Variants in ZNF483 observed in about 807,000 individuals in gnomAD.
ZNF483 encodes the protein zinc finger protein HIT-10.
Under a neutral mutation model 28.6 loss-of-function variants are expected in ZNF483, and 9 were observed. The ratio of observed to expected loss-of-function variants is 0.32; its 90% CI spans 0.19 to 0.55. ZNF483 has a LOEUF of 0.55. Among genes scored for constraint, ZNF483 ranks in the 20% least tolerant of loss-of-function variants. ZNF483 has a pLI of 0.93. For missense variants in ZNF483, 675 were observed against 871.7 expected (o/e 0.77, Z 2.84); for synonymous variants, 322 against 306.2 (o/e 1.05, Z -0.54).
At chr9:111,526,433 A>G (rs935647103) in intron 1 of ZNF483, among the ~76,000 whole-genome samples, 9 of 152,042 alleles carry the variant, frequency 5.9e-5, no homozygotes, top group Non-Finnish European at 4.4e-5. Flanking sequence ...GGGGAGTGAT[A>G]AGATCATATT....
At chr9:111,534,427 G>A (rs1827429063) in intron 5 of ZNF483, 74 bp downstream of exon 5, 2 of 1,262,316 alleles carry the variant, frequency 1.6e-6, no homozygotes, top group South Asian at 1.2e-5. Flanking sequence ...TCTTTGAAAT[G>A]TTGGGCTGCC....
chr9:111,561,635 T>G (rs1828325179), intron 5 of ZNF483, among the ~76,000 whole-genome samples: 1 of 152,200 alleles, frequency 6.6e-6, no homozygotes, highest in Admixed American at 6.5e-5. Context: ...TTCCTGTGTG[T>G]TATCTTTTGT....
chr9:111,554,181 GAACT>G lies in ZNF483; in HGVS notation c.*11017_*11020del, dbSNP rs1483439801. On this transcript the variant is annotated 3_prime_UTR_variant, in exon 6 of 6. Transcript: ENST00000309235. ...ACAAACTACTACTATTATGTTATTG[GAACT>G]AACTACTTAGCAAATGGAATTGATA... 2.0e-5 allele frequency among the ~76,000 whole-genome samples: 3 copies of G among 152,142 alleles called. No homozygotes were observed. Among genetic ancestry groups the G allele is most frequent in the East Asian group, 1.9e-4 (1 of 5,194 alleles).
At chr9:111,576,387 G>C in exon 6 of ZNF483, 1 of 1,614,126 alleles carries the variant, frequency 6.2e-7, no homozygotes, top group East Asian at 2.2e-5. Flanking sequence ...CAGTAAAAAA[G>C]ATGCAGATGT....
chr9:111,570,497 G>A (rs373854141), intron 5 of ZNF483, among the ~76,000 whole-genome samples: 9 of 152,162 alleles, frequency 5.9e-5, no homozygotes, highest in East Asian at 1.9e-4. Context: ...TGGGGGTGGC[G>A]CGGTGGCTCA....
At chr9:111,567,523 G>T (rs566401895) in intron 5 of ZNF483, among the ~76,000 whole-genome samples, 1 of 152,226 alleles carries the variant, frequency 6.6e-6, no homozygotes, top group African/African-American at 2.4e-5. Context: ...GGACGTGAGA[G>T]AATTCAGCAA....
In ZNF483 at chr9:111,549,802, G is replaced by A; in HGVS notation, c.*6632G>A. The A allele has an allele frequency of 6.6e-7, 1 of 1,510,124 alleles. No individual in the cohort carries two copies. The highest frequency in any genetic ancestry group is 1.2e-5 in the South Asian group (1 of 83,228). 93.5% of individuals were successfully genotyped at this position (1,510,124 alleles called of 1,614,324 possible). ...TCTTCTTCATTTTCTCTTTTGATCT[G>A]TCAACACAATCAGAACATTTAGCTC... On this transcript the variant is annotated 3_prime_UTR_variant, in exon 6 of 6. Coordinates refer to ENST00000309235, the MANE Select transcript of ZNF483 (RefSeq NM_133464.5).
In ZNF483 at chr9:111,545,993, A is replaced by G. The variant is rs1204253961; in HGVS notation, c.*2823A>G. On this transcript the variant is annotated 3_prime_UTR_variant, in exon 6 of 6. Coordinates refer to ENST00000309235, the MANE Select transcript of ZNF483 (RefSeq NM_133464.5). The stretch of plus-strand genomic sequence containing the variant: ...AGGAAACTGCCAAATTGTTTTCCAA[A>G]GTGACCGCATTATTTTACATTCTGA... Among the ~76,000 whole-genome samples the G allele has an allele frequency of 1.3e-5, 2 of 152,206 alleles. No homozygotes were observed. The highest frequency in any genetic ancestry group is 4.8e-5 in the African/African-American group (2 of 41,458).
chr9:111,563,452 T>C, intron 5 of ZNF483: 1 of 425,084 alleles, frequency 2.4e-6, no homozygotes. Context: ...AAATAATAGG[T>C]GTCGGATCAT....
At chr9:111,534,192 A>T in intron 4 of ZNF483, 69 bp from the exon 5 acceptor site, 1 of 1,269,456 alleles carries the variant, frequency 7.9e-7, no homozygotes, top group East Asian at 2.3e-5. Flanking sequence ...ACCAGAGGCT[A>T]TATGTGAATG....
chr9:111,543,244 C>T lies in ZNF483; in HGVS notation c.*74C>T, dbSNP rs1200206025. On this transcript the variant is annotated 3_prime_UTR_variant, in exon 6 of 6. Transcript: ENST00000309235. ...ACTGAAACCCTGGGATGTAAACTTA[C>T]AGTATTGATCAGTAGCTGCAGCTTT... The T allele has an allele frequency of 4.7e-6, 7 of 1,502,216 alleles. No homozygotes were observed. The highest frequency in any genetic ancestry group is 5.3e-6 in the Non-Finnish European group (6 of 1,131,940). The allele number at this position is 1,502,216 out of a possible 1,614,324, so 93.1% of individuals were successfully genotyped here. A position where few individuals can be genotyped will look rare whatever the true frequency, so the allele number is the denominator to read the frequency against.
At position 111,534,298 on chromosome 9, in the gene ZNF483, A is replaced by G. The variant is rs182744229; in HGVS notation, c.666A>G (p.Leu222=). 313 of 1,614,164 alleles carry G rather than the reference A, an allele frequency of 1.9e-4. 5 individuals carry two copies. In the Admixed American group the frequency reaches 5.1e-3, roughly 26 times the overall value. The change falls in exon 5 of 6, where the codon CTA becomes CTG. Residue 222 remains leucine (L), a synonymous_variant. Coordinates refer to ENST00000309235, the MANE Select transcript of ZNF483 (RefSeq NM_133464.5). ...CAAAATTAGAGTTGATTTCCCAGCT[A>G]AAGTGGGTTGAATTGCCATGGCTGC... The part of the protein sequence containing the change: ...PVSKLELISQ[L]KWVELPWLLE...
Position 111,543,402 on chromosome 9 carries a change from C to T in ZNF483, c.*232C>T, listed in dbSNP as rs1284165024. 7 of 1,271,408 alleles carry T rather than the reference C, an allele frequency of 5.5e-6. No individual in the cohort carries two copies. Among genetic ancestry groups the T allele is most frequent in the African/African-American group, 1.5e-5 (1 of 65,690 alleles). 78.8% of individuals were successfully genotyped at this position (1,271,408 alleles called of 1,614,324 possible). ...GGAAGAATGCAAAATGATTCTGAGG[C>T]CAGACGAATTGGAAAAGCTCTTTTC... On this transcript the variant is annotated 3_prime_UTR_variant, in exon 6 of 6. Coordinates refer to ENST00000309235, the MANE Select transcript of ZNF483 (RefSeq NM_133464.5).
intron 2 of ZNF483, among the ~76,000 whole-genome samples, chr9:111,529,056 A>G (rs775893346): frequency 6.6e-6 from 1 of 152,012 alleles, no homozygotes; most frequent in Non-Finnish European, 1.5e-5. Flanking sequence ...AGGCAGGAGA[A>G]TCGCTTGAAC....
chr9:111,535,914 T>G, intron 5 of ZNF483, among the ~76,000 whole-genome samples: 1 of 146,496 alleles, frequency 6.8e-6, no homozygotes, highest in Non-Finnish European at 1.5e-5. Context: ...TTTTTTTTTT[T>G]GAGACAGAGT....
Position 111,527,448 on chromosome 9 carries a change from A to G in ZNF483, c.53A>G (p.Gln18Arg), listed in dbSNP as rs765205755. ...ATGACAGCCATCTCACCAGAACCTC[A>G]AACTCTGGCCTCGACTGAACAAAAT... ...NKMTAISPEP[Q>R]TLASTEQNEV... The change falls in exon 2 of 6, where the codon CAA becomes CGA. Residue 18 changes from glutamine to arginine, a missense_variant. Coordinates refer to ENST00000309235, the MANE Select transcript of ZNF483 (RefSeq NM_133464.5). 4 of 1,614,020 alleles carry G rather than the reference A, an allele frequency of 2.5e-6. No individual in the cohort carries two copies. The African/African-American group carries it at 5.3e-5, about 22-fold the overall frequency.
intron 5 of ZNF483, among the ~76,000 whole-genome samples, chr9:111,539,045 G>A (rs778192886): frequency 4.0e-5 from 6 of 150,654 alleles, no homozygotes; most frequent in Middle Eastern, 3.4e-3. Flanking sequence ...CCCGGGAGGC[G>A]GAGCTTGCAG....
intron 5 of ZNF483, among the ~76,000 whole-genome samples, chr9:111,565,972 G>T (rs1828543523): frequency 6.6e-6 from 1 of 152,160 alleles, no homozygotes; most frequent in Non-Finnish European, 1.5e-5. Flanking sequence ...AGCACTTTGT[G>T]AGGCTGAGGC....
At chr9:111,562,949 T>A in intron 5 of ZNF483, 1 of 1,389,796 alleles carries the variant, frequency 7.2e-7, no homozygotes, top group South Asian at 1.8e-5. Context: ...CTTTGAAACT[T>A]CCATCCTCCA....
Sources: allele counts gnomAD v4.1 joint callset (sites outside exome capture counted in the v4.1 genomes callset), GRCh38; gene constraint gnomAD v4.1.1; transcripts MANE v1.5; gene names NCBI Gene and HGNC (gene_info 2026-07-23, HGNC 2026-07-21).